The following ROBO2 variants were observed in gnomAD, a reference collection of about 807,000 sequenced individuals.
ROBO2 encodes roundabout guidance receptor 2, also known as roundabout homolog 2.
A neutral mutation model predicts 160.8 loss-of-function variants in ROBO2; 53 were observed. The ratio of observed to expected loss-of-function variants is 0.33; its 90% CI spans 0.26 to 0.41. The LOEUF is 0.41. ROBO2 is among the 10% of genes least tolerant of loss of function. ROBO2 has a pLI of 1.00. For synonymous variants in ROBO2, 664 were observed against 611.7 expected (o/e 1.09, Z -1.26); for missense variants, 1,577 against 1,722.4 (o/e 0.92, Z 1.49).
chr3:76,224,470 GT>G (rs1314202196), intron 2 of ROBO2, among the ~76,000 whole-genome samples: 1 of 152,114 alleles, frequency 6.6e-6, no homozygotes, highest in African/African-American at 2.4e-5. Flanking sequence ...CCACAATTAT[GT>G]TCTCTTTGGG....
intron 2 of ROBO2, among the ~76,000 whole-genome samples, chr3:76,640,728 T>C (rs2090631073): frequency 1.3e-5 from 2 of 151,916 alleles, no homozygotes; most frequent in South Asian, 4.1e-4. Flanking sequence ...CATTATTCTT[T>C]AATAAAAGGA....
intron 2 of ROBO2, among the ~76,000 whole-genome samples, chr3:77,199,798 TTTG>T (rs533440677): frequency 0.04 from 5,722 of 142,562 alleles, 144 homozygotes; most frequent in African/African-American, 0.065. Context: ...AATTTTTTTT[TTTG>T]TTGTTTATAG....
chr3:77,580,592 A>C (rs567475512), intron 16 of ROBO2, among the ~76,000 whole-genome samples: 3 of 152,280 alleles, frequency 2.0e-5, no homozygotes, highest in African/African-American at 7.2e-5. Context: ...ATCATTGCAT[A>C]AAATTGTTCC....
At chr3:76,413,762 G>C (rs878944676) in intron 2 of ROBO2, among the ~76,000 whole-genome samples, 1 of 152,074 alleles carries the variant, frequency 6.6e-6, no homozygotes, top group Non-Finnish European at 1.5e-5. Context: ...ACATTTTCCT[G>C]TCTTCTTCTG....
chr3:75,908,605 A>G (rs1427267858), intron 1 of ROBO2, among the ~76,000 whole-genome samples: 1 of 152,190 alleles, frequency 6.6e-6, no homozygotes, highest in African/African-American at 2.4e-5. Flanking sequence ...CTTCAAGTTT[A>G]GTTCTTTACC....
At chr3:77,271,541 A>G (rs1270990627) in intron 2 of ROBO2, among the ~76,000 whole-genome samples, 1 of 152,244 alleles carries the variant, frequency 6.6e-6, no homozygotes, top group African/African-American at 2.4e-5. Context: ...AATTCAGCAT[A>G]AAGTGTGATT....
intron 2 of ROBO2, among the ~76,000 whole-genome samples, chr3:76,804,257 T>G (rs1209398228): frequency 6.6e-6 from 1 of 152,158 alleles, no homozygotes; most frequent in East Asian, 1.9e-4. Context: ...CTCTGAGAGA[T>G]AGTTTGATCT....
At chr3:77,077,261 C>T (rs750305066) in intron 1 of ROBO2, among the ~76,000 whole-genome samples, 5 of 152,110 alleles carry the variant, frequency 3.3e-5, no homozygotes, top group Non-Finnish European at 5.9e-5. Flanking sequence ...CTTGGTAAAG[C>T]ACTGGTGTCT....
intron 2 of ROBO2, among the ~76,000 whole-genome samples, chr3:77,352,601 T>G (rs867888082): frequency 6.6e-6 from 1 of 152,120 alleles, no homozygotes; most frequent in Admixed American, 6.5e-5. Flanking sequence ...AGAAGAAAAC[T>G]ATGACACAGA....
chr3:77,610,059 T>G (rs1013430039), intron 21 of ROBO2, among the ~76,000 whole-genome samples: 1 of 151,314 alleles, frequency 6.6e-6, no homozygotes, highest in African/African-American at 2.4e-5. Context: ...TAAAAACAAA[T>G]AAAAATTAAT....
At chr3:77,337,841 T>C (rs1292815429) in intron 2 of ROBO2, among the ~76,000 whole-genome samples, 1 of 152,160 alleles carries the variant, frequency 6.6e-6, no homozygotes, top group Admixed American at 6.6e-5. Context: ...CTTTTAAATG[T>C]ATGGATAATC....
chr3:76,136,704 T>C (rs2106721321), intron 2 of ROBO2, among the ~76,000 whole-genome samples: 1 of 152,012 alleles, frequency 6.6e-6, no homozygotes, highest in South Asian at 2.1e-4. Flanking sequence ...AGACCACTAA[T>C]ATGAGTGGTT....
At chr3:76,272,900 T>A (rs1374851251) in intron 2 of ROBO2, among the ~76,000 whole-genome samples, 6 of 39,474 alleles carry the variant, frequency 1.5e-4, no homozygotes, top group African/African-American at 5.6e-4. Context: ...AAAAATATAA[T>A]ATATATTTAT....
chr3:77,352,492 C>A (rs1343693086), intron 2 of ROBO2, among the ~76,000 whole-genome samples: 1 of 151,998 alleles, frequency 6.6e-6, no homozygotes, highest in African/African-American at 2.4e-5. Flanking sequence ...AGTCTAAAGT[C>A]AATGACATCC....
intron 2 of ROBO2, among the ~76,000 whole-genome samples, chr3:77,361,282 TAGTA>T (rs1160242676): frequency 3.9e-5 from 6 of 152,172 alleles, no homozygotes; most frequent in Non-Finnish European, 8.8e-5. Context: ...CTTTTTCACA[TAGTA>T]AGTACCTATA....
intron 2 of ROBO2, among the ~76,000 whole-genome samples, chr3:77,165,171 G>A (rs2078956088): frequency 6.6e-6 from 1 of 151,318 alleles, no homozygotes; most frequent in Non-Finnish European, 1.5e-5. Flanking sequence ...CCGTGTCTGT[G>A]TGGAAAGAAG....
intron 2 of ROBO2, among the ~76,000 whole-genome samples, chr3:77,192,564 T>C (rs373480060): frequency 6.6e-6 from 1 of 152,076 alleles, no homozygotes; most frequent in Non-Finnish European, 1.5e-5. Context: ...CTACTGGTCA[T>C]GCAGATATCA....
chr3:76,556,518 T>TA (rs761838536), intron 2 of ROBO2, among the ~76,000 whole-genome samples: 3 of 152,192 alleles, frequency 2.0e-5, no homozygotes, highest in Non-Finnish European at 4.4e-5. Context: ...TGACAGTTGA[T>TA]ACATATGCAT....
At chr3:76,012,185 A>G (rs921500335) in intron 2 of ROBO2, among the ~76,000 whole-genome samples, 1 of 152,222 alleles carries the variant, frequency 6.6e-6, no homozygotes, top group Non-Finnish European at 1.5e-5. Context: ...TCATTCTAAA[A>G]TAAAGCCTTT....
Sources: gnomAD v4.1 joint callset for allele counts (sites outside exome capture counted in the v4.1 genomes callset) on GRCh38, gnomAD v4.1.1 for gene constraint, MANE v1.5 for transcripts, NCBI Gene and HGNC (gene_info 2026-07-23, HGNC 2026-07-21) for gene names.